DONSON: variants seen among roughly 807,000 people sequenced by gnomAD.
The protein encoded by DONSON is DNA replication fork stabilization factor DONSON.
A neutral mutation model predicts 62.1 loss-of-function variants in DONSON; 43 were observed. The observed-to-expected ratio is 0.69, with a 90% CI of 0.54 to 0.89. The LOEUF (loss-of-function observed/expected upper bound fraction) is 0.89, where lower values mean the gene tolerates loss of function less well. Among genes scored for constraint, DONSON ranks in the 40% least tolerant of loss-of-function variants. The pLI, the probability that DONSON is intolerant of heterozygous loss-of-function variation, is 0.00. For synonymous variants in DONSON, 266 were observed against 264.6 expected (o/e 1.01, Z -0.05); for missense variants, 696 against 697.5 (o/e 1.00, Z 0.03).
chr21:33,581,149 CTT>C lies in DONSON; in HGVS notation c.1350+151_1350+152del, dbSNP rs1029627707. ...CACATAATTTCTTTGATATAACTGT[CTT>C]ATATAATTTTTGTTTCTTTTTTTAA... On this transcript the variant is annotated intron_variant, in intron 8 of 9. Coordinates refer to ENST00000303071, the MANE Select transcript of DONSON (RefSeq NM_017613.4). 39 of 628,386 alleles carry C rather than the reference CTT, an allele frequency of 6.2e-5. 1 individual carries two copies. The highest frequency in any genetic ancestry group is 3.3e-4 in the East Asian group (12 of 35,996). The allele number at this position is 628,386 out of a possible 1,614,324, so 38.9% of individuals were successfully genotyped here.
At chr21:33,588,292 C>A in intron 1 of DONSON, 29 bp downstream of exon 1, 1 of 1,248,176 alleles carries the variant, frequency 8.0e-7, no homozygotes, top group South Asian at 3.7e-5. Flanking sequence ...GACAAGAGCC[C>A]CTTGGCGGCC....
intron 8 of DONSON, among the ~76,000 whole-genome samples, chr21:33,580,224 G>A (rs542370472): frequency 8.8e-4 from 129 of 146,636 alleles, no homozygotes; most frequent in African/African-American, 2.5e-3. Flanking sequence ...GCAAGACTCC[G>A]TCTCTAAATA....
chr21:33,582,855 A>C (rs1305403430), intron 5 of DONSON, among the ~76,000 whole-genome samples: 2 of 152,104 alleles, frequency 1.3e-5, no homozygotes, highest in Non-Finnish European at 2.9e-5. Flanking sequence ...AGGGGCACGA[A>C]TCCTACTGTG....
intron 5 of DONSON, among the ~76,000 whole-genome samples, chr21:33,583,194 C>G (rs889426377): frequency 2.7e-5 from 1 of 37,168 alleles, no homozygotes; most frequent in Non-Finnish European, 4.5e-5. Flanking sequence ...GAGCGAGTCT[C>G]CATCTCAAAA....
rs139380929 is a variant in DONSON, at chr21:33,578,118, T to G, written c.*189A>C. The G allele has an allele frequency of 1.4e-3, 804 of 574,276 alleles. 6 individuals carry two copies. The highest frequency in any genetic ancestry group is 0.014 in the African/African-American group (740 of 53,288). The allele number at this position is 574,276 out of a possible 1,614,324, so 35.6% of individuals were successfully genotyped here. On this transcript the variant is annotated 3_prime_UTR_variant, in exon 10 of 10. Coordinates refer to ENST00000303071, the MANE Select transcript of DONSON (RefSeq NM_017613.4). ...ATATAGATATCTCATTTGAGTTATC[T>G]GAGTTTTTCATCTTTATATCTAAAA...
At chr21:33,585,135 A>C (rs2086562999) in intron 3 of DONSON, among the ~76,000 whole-genome samples, 1 of 152,200 alleles carries the variant, frequency 6.6e-6, no homozygotes, top group African/African-American at 2.4e-5. Context: ...GATACGGCAA[A>C]TCACAAATCA....
In DONSON at chr21:33,577,706, TATAAGCACATTAAATACTACTTTGCCGTG is replaced by T. The variant is rs984013204; in HGVS notation, c.*572_*600del. The T allele has an allele frequency of 3.0e-5, 4 of 133,186 alleles. No homozygotes were observed. The highest frequency in any genetic ancestry group is 7.8e-5 in the Admixed American group (1 of 12,740). The allele number at this position is 133,186 out of a possible 1,614,324, so 8.3% of individuals were successfully genotyped here. ...ACACACACACACACACACACACCCC[TATAAGCACATTAAATACTACTTTGCCGTG>T]ACAGCTCAGTGTACTTCACAATTCT... On this transcript the variant is annotated 3_prime_UTR_variant, in exon 10 of 10. Transcript: ENST00000303071.
chr21:33,579,650 G>T (rs2086483002), intron 8 of DONSON, 88 bp from the exon 9 acceptor site: 1 of 1,063,964 alleles, frequency 9.4e-7, no homozygotes, highest in African/African-American at 1.6e-5. Flanking sequence ...TTTCCATTTG[G>T]GGTTTCCTCT....
At chr21:33,586,901 A>G (rs921578763) in intron 2 of DONSON, among the ~76,000 whole-genome samples, 1 of 152,110 alleles carries the variant, frequency 6.6e-6, no homozygotes, top group African/African-American at 2.4e-5. Context: ...CAGCCTCTCA[A>G]AGTGTTGGGA....
rs2145910302 is a variant in DONSON at position 33,588,593 on chromosome 21, CG to C, written c.48del (p.Glu17ArgfsTer2). ...CTTTTCCGTCGGAGCCGCACTACCT[CG>C]GGCGGCTTTCGGAAGCCCGGTGAGT... Reference protein sequence around the residue: ...PGYSPGFRKPPEVVRLRRKRA... With the variant: ...PGYSPGFRKPXEVVRLRRKRA... On this transcript the variant is annotated frameshift_variant, in exon 1 of 10. Transcript: ENST00000303071. LOFTEE classifies it high-confidence loss of function. 1 of 1,251,584 alleles carries C rather than the reference CG, an allele frequency of 8.0e-7. No homozygotes were observed. The highest frequency in any genetic ancestry group is 1.0e-6 in the Non-Finnish European group (1 of 996,876). 77.5% of individuals were successfully genotyped at this position (1,251,584 alleles called of 1,614,324 possible). A position where few individuals can be genotyped will look rare whatever the true frequency, so the allele number is the denominator to read the frequency against.
rs941914153 is a variant in DONSON at position 33,588,652 on chromosome 21, G to C, written c.-11C>G. The C allele has an allele frequency of 8.1e-7, 1 of 1,231,632 alleles. No individual in the cohort carries two copies. The highest frequency in any genetic ancestry group is 1.0e-6 in the Non-Finnish European group (1 of 986,778). The allele number at this position is 1,231,632 out of a possible 1,614,324, so 76.3% of individuals were successfully genotyped here. ...CACCGAAAGGGCCATGACGCGCGGC[G>C]GCTGAGGGTAGCCGGCCGCCCTACA... On this transcript the variant is annotated 5_prime_UTR_variant, in exon 1 of 10. Coordinates refer to ENST00000303071, the MANE Select transcript of DONSON (RefSeq NM_017613.4).
At chr21:33,583,748 C>T (rs2086544638) in intron 4 of DONSON, 82 bp from the exon 5 acceptor site, 1 of 1,134,326 alleles carries the variant, frequency 8.8e-7, no homozygotes, top group Non-Finnish European at 1.2e-6. Context: ...AGTTTGATAC[C>T]TGGTTTAAAA....
At chr21:33,580,066 G>A (rs2086488062) in intron 8 of DONSON, among the ~76,000 whole-genome samples, 1 of 151,840 alleles carries the variant, frequency 6.6e-6, no homozygotes, top group African/African-American at 2.4e-5. Context: ...GCATGGTGGT[G>A]TGAGCCTATA....
chr21:33,579,101 T>C (rs1349125463), intron 9 of DONSON, among the ~76,000 whole-genome samples: 1 of 150,368 alleles, frequency 6.7e-6, no homozygotes, highest in Non-Finnish European at 1.5e-5. Context: ...CTCGCGCCGC[T>C]GCACTCCAGC....
At position 33,579,512 on chromosome 21, in the gene DONSON, T is replaced by C. The variant is rs1408150226; in HGVS notation, c.1401A>G (p.Gln467=). 9 of 1,614,076 alleles carry C rather than the reference T, an allele frequency of 5.6e-6. No individual in the cohort carries two copies. The highest frequency in any genetic ancestry group is 7.6e-6 in the Non-Finnish European group (9 of 1,180,018). The part of the protein sequence containing the change: ...KTQALSGYRD[Q]FSLEITGPIM... ...TAGGACCTGTAATCTCCAAACTAAA[T>C]TGGTCTCTGTATCCAGAAAGAGCTT... Residue 467 remains glutamine, a synonymous_variant, in exon 9 of 10, where the codon CAA becomes CAG. Coordinates refer to ENST00000303071, the MANE Select transcript of DONSON (RefSeq NM_017613.4).
rs1569073261 is a variant in DONSON at position 33,577,688 on chromosome 21, CACACACACACACA to C, written c.*606_*618del. The C allele has an allele frequency of 3.1e-4, 35 of 112,594 alleles. No individual in the cohort carries two copies. The highest frequency in any genetic ancestry group is 5.5e-4 in the Admixed American group (6 of 10,824). The allele number at this position is 112,594 out of a possible 1,614,324, so 7.0% of individuals were successfully genotyped here. On this transcript the variant is annotated 3_prime_UTR_variant, in exon 10 of 10. Coordinates refer to ENST00000303071, the MANE Select transcript of DONSON (RefSeq NM_017613.4). ...ACACACACACACACACACACACACACACACACACACACACCCCTATAAGCACATTAAATACTAC... is the reference window on the plus strand; with the variant it reads ...ACACACACACACACACACACACACACCCCCTATAAGCACATTAAATACTAC...
At chr21:33,587,096 C>G (rs568612822) in intron 2 of DONSON, among the ~76,000 whole-genome samples, 114 of 152,154 alleles carry the variant, frequency 7.5e-4, no homozygotes, top group Non-Finnish European at 1.4e-3. Flanking sequence ...CTACACAGCA[C>G]AATGGTAGTA....
chr21:33,585,325 ATCC>A (rs770048957), intron 3 of DONSON, among the ~76,000 whole-genome samples: 9 of 151,680 alleles, frequency 5.9e-5, no homozygotes, highest in Non-Finnish European at 1.3e-4. Context: ...GGCTTAAACA[ATCC>A]TCCTACCTGA....
In DONSON at chr21:33,583,503, C is replaced by A; in HGVS notation, c.949G>T (p.Ala317Ser). The A allele has an allele frequency of 6.2e-7, 1 of 1,613,614 alleles. No individual in the cohort carries two copies. Among genetic ancestry groups the A allele is most frequent in the Non-Finnish European group, 8.5e-7 (1 of 1,179,828 alleles). Reference protein sequence around the residue: ...ISPTTRGLREAMRNEGIEFSL... With the variant: ...ISPTTRGLRESMRNEGIEFSL... Reference sequence around the variant, plus strand: ...AAACTTTTACCTTCATTTCTCATAGCTTCTCTTAAACCTCGAGTTGTTGGA... The same window carrying A: ...AAACTTTTACCTTCATTTCTCATAGATTCTCTTAAACCTCGAGTTGTTGGA... Residue 317 changes from alanine (A) to serine (S), a missense_variant, in exon 5 of 10, where the codon GCT (alanine) becomes TCT (serine). Physicochemically the swap from Ala to Ser is moderately conservative, Grantham distance 99. Transcript: ENST00000303071.
Sources: gnomAD v4.1 joint callset for allele counts (sites outside exome capture counted in the v4.1 genomes callset) on GRCh38, gnomAD v4.1.1 for gene constraint, MANE v1.5 for transcripts, NCBI Gene and HGNC (gene_info 2026-07-23, HGNC 2026-07-21) for gene names.